Variants in TSTD2 observed in about 807,000 individuals in gnomAD.
TSTD2 encodes the protein thiosulfate sulfurtransferase/rhodanese-like domain-containing protein 2.
Under a neutral mutation model 47.9 loss-of-function variants are expected in TSTD2, and 37 were observed. The observed-to-expected ratio is 0.77, with a 90% confidence interval of 0.59 to 1.02. The LOEUF (loss-of-function observed/expected upper bound fraction) is 1.02, where lower values mean the gene tolerates loss of function less well. Among genes scored for constraint, TSTD2 ranks in the 50% least tolerant of loss-of-function variants. The pLI, the probability that TSTD2 is intolerant of heterozygous loss-of-function variation, is 0.00. For synonymous variants in TSTD2, 201 were observed against 215.9 expected (o/e 0.93, Z 0.61); for missense variants, 586 against 616.0 (o/e 0.95, Z 0.52).
chr9:97,609,150 T>C (rs1377649738), intron 6 of TSTD2, among the ~76,000 whole-genome samples: 1 of 152,118 alleles, frequency 6.6e-6, no homozygotes, highest in Non-Finnish European at 1.5e-5. Flanking sequence ...CTAATAATTT[T>C]TTATATTGAT....
intron 3 of TSTD2, 121 bp downstream of exon 3, chr9:97,625,560 A>T (rs1826705032): frequency 1.1e-6 from 1 of 943,826 alleles, no homozygotes; most frequent in Non-Finnish European, 1.6e-6. Context: ...CCACATCCTC[A>T]TTTCACATTT....
rs1384281650 is a variant in TSTD2 at position 97,628,705 on chromosome 9, C to T, written c.-50-1093G>A. Among the ~76,000 whole-genome samples the T allele has an allele frequency of 2.6e-5, 4 of 152,306 alleles. No homozygotes were observed. In the South Asian group the frequency reaches 6.2e-4, roughly 24 times the overall value. On this transcript the variant is annotated intron_variant, in intron 1 of 9. Coordinates refer to ENST00000341170, the MANE Select transcript of TSTD2 (RefSeq NM_139246.5). ...TTGTTAACTACTCCCAAAAATAAAGCGTGATGGAAGCAATGCTGTATGACT... is the reference window on the plus strand; with the variant it reads ...TTGTTAACTACTCCCAAAAATAAAGTGTGATGGAAGCAATGCTGTATGACT...
Position 97,625,832 on chromosome 9 carries a change from T to C in TSTD2, c.331A>G (p.Ile111Val), listed in dbSNP as rs544672916. 3.1e-6 allele frequency: 5 copies of C among 1,614,174 alleles called. No homozygotes were observed. In the East Asian group the frequency reaches 8.9e-5, roughly 29 times the overall value. ...ADEIYHQTAS[I>V]LKQLAVTLST... The stretch of plus-strand genomic sequence containing the variant: ...AATGTCACAGCCAGTTGCTTTAAAA[T>C]AGAAGCTGTCTGGTGATAAATTTCA... Residue 111 changes from isoleucine (I) to valine (V), a missense_variant, in exon 3 of 10, where the codon ATT becomes GTT. Coordinates refer to ENST00000341170, the MANE Select transcript of TSTD2 (RefSeq NM_139246.5).
chr9:97,606,717 T>C (rs1007395552), intron 6 of TSTD2, among the ~76,000 whole-genome samples: 1 of 152,194 alleles, frequency 6.6e-6, no homozygotes, highest in African/African-American at 2.4e-5. Flanking sequence ...TAAACTGTTC[T>C]ATATTAAGGT....
At position 97,604,910 on chromosome 9, in the gene TSTD2, C is replaced by A. The variant is rs1379919002; in HGVS notation, c.1114-45G>T. 6 of 1,607,390 alleles carry A rather than the reference C, an allele frequency of 3.7e-6. No individual in the cohort carries two copies. In the East Asian group the frequency reaches 1.1e-4, roughly 30 times the overall value. On this transcript the variant is annotated intron_variant, in intron 8 of 9. Transcript: ENST00000341170. ...AGGAAATCTGAAGAGCCAGCAGAGA[C>A]CTGTTAAGATGCTCACGGAAGAACG...
In TSTD2 at chr9:97,601,151, G is replaced by A; in HGVS notation, c.*1318C>T. 2.3e-6 allele frequency: 3 copies of A among 1,303,412 alleles called. No individual in the cohort carries two copies. Among genetic ancestry groups the A allele is most frequent in the Non-Finnish European group, 2.0e-6 (2 of 988,610 alleles). The allele number at this position is 1,303,412 out of a possible 1,614,324, so 80.7% of individuals were successfully genotyped here. A position where few individuals can be genotyped will look rare whatever the true frequency, so the allele number is the denominator to read the frequency against. On this transcript the variant is annotated 3_prime_UTR_variant, in exon 10 of 10. Transcript: ENST00000341170. The stretch of plus-strand genomic sequence containing the variant: ...CATGGCCCAGGAGTGGCACCATGTT[G>A]CAGGGACAACCATCCCCATTTGGCT...
In TSTD2 at chr9:97,602,303, C is replaced by T. The variant is rs1826274649; in HGVS notation, c.*166G>A. ...AATGTCTCAGGTAAGTGGTAGACAA[C>T]GTGACTCCTCCCCTCCCGCTGTGAA... On this transcript the variant is annotated 3_prime_UTR_variant, in exon 10 of 10. Transcript: ENST00000341170. 6.6e-6 allele frequency: 5 copies of T among 760,656 alleles called. No homozygotes were observed. The highest frequency in any genetic ancestry group is 6.0e-5 in the South Asian group (3 of 50,282). 47.1% of individuals were successfully genotyped at this position (760,656 alleles called of 1,614,324 possible).
At position 97,627,581 on chromosome 9, in the gene TSTD2, T is replaced by G; in HGVS notation, c.-19A>C. ...AAGGCATCTGGTTTGGTTGCAACAG[T>G]GAAGCAGATATTCCTTTCAGTTAAA... On this transcript the variant is annotated 5_prime_UTR_variant, in exon 2 of 10. Transcript: ENST00000341170. 2 of 1,576,704 alleles carry G rather than the reference T, an allele frequency of 1.3e-6. No individual in the cohort carries two copies. The highest frequency in any genetic ancestry group is 1.7e-6 in the Non-Finnish European group (2 of 1,157,352).
At chr9:97,602,820 G>A (rs746173105) in intron 9 of TSTD2, 53 bp from the exon 10 acceptor site, 6 of 1,521,512 alleles carry the variant, frequency 3.9e-6, no homozygotes, top group Non-Finnish European at 5.3e-6. Flanking sequence ...ACACACACGT[G>A]GACAGGCATT....
In TSTD2 at chr9:97,600,134, A is replaced by T; in HGVS notation, c.*2335T>A. On this transcript the variant is annotated 3_prime_UTR_variant, in exon 10 of 10. Transcript: ENST00000341170. ...TACAAATTTGTCTTAGCTATTAGCA[A>T]ATAAAACTGATTATCATTCTTTATT... is the stretch of plus-strand genomic sequence containing the variant. The T allele has an allele frequency of 1.0e-6, 1 of 1,003,304 alleles. No individual in the cohort carries two copies. Among genetic ancestry groups the T allele is most frequent in the Non-Finnish European group, 1.2e-6 (1 of 838,788 alleles). 62.2% of individuals were successfully genotyped at this position (1,003,304 alleles called of 1,614,324 possible). A position where few individuals can be genotyped will look rare whatever the true frequency, so the allele number is the denominator to read the frequency against.
At chr9:97,617,971 C>G (rs2149982) in intron 3 of TSTD2, 94 bp from the exon 4 acceptor site, 1 of 1,490,022 alleles carries the variant, frequency 6.7e-7, no homozygotes, top group Non-Finnish European at 9.0e-7. Context: ...TGAGGGAAGG[C>G]TAAGATGAGG....
Position 97,600,628 on chromosome 9 carries a change from A to C in TSTD2, c.*1841T>G. The C allele has an allele frequency of 1.0e-6, 1 of 987,764 alleles. No individual in the cohort carries two copies. The highest frequency in any genetic ancestry group is 1.2e-6 in the Non-Finnish European group (1 of 831,532). 61.2% of individuals were successfully genotyped at this position (987,764 alleles called of 1,614,324 possible). A position where few individuals can be genotyped will look rare whatever the true frequency, so the allele number is the denominator to read the frequency against. ...TATTTAGTAATGGCCCAGCTTAGAGACTTCAGCTACTGATCTCATCACTTA... is the reference window on the plus strand; with the variant it reads ...TATTTAGTAATGGCCCAGCTTAGAGCCTTCAGCTACTGATCTCATCACTTA... On this transcript the variant is annotated 3_prime_UTR_variant, in exon 10 of 10. Transcript: ENST00000341170.
chr9:97,632,785 G>A (rs979689088), intron 1 of TSTD2, among the ~76,000 whole-genome samples: 1 of 152,224 alleles, frequency 6.6e-6, no homozygotes, highest in Non-Finnish European at 1.5e-5. Context: ...TATGTAAAAA[G>A]AGGGAAAAGA....
chr9:97,604,502 G>T, intron 9 of TSTD2: 1 of 547,796 alleles, frequency 1.8e-6, no homozygotes, highest in Admixed American at 3.6e-5. Context: ...GGCTTGTCCA[G>T]CTAGCAATGG....
In TSTD2 at chr9:97,600,275, G is replaced by A; in HGVS notation, c.*2194C>T. ...AGACTGAAGCCACTGAACTCTGCCA[G>A]GAGTCAACATGAGATTCCTTTTGCT... On this transcript the variant is annotated 3_prime_UTR_variant, in exon 10 of 10. Coordinates refer to ENST00000341170, the MANE Select transcript of TSTD2 (RefSeq NM_139246.5). 8 of 986,382 alleles carry A rather than the reference G, an allele frequency of 8.1e-6. No individual in the cohort carries two copies. Among genetic ancestry groups the A allele is most frequent in the Non-Finnish European group, 9.6e-6 (8 of 830,358 alleles). The allele number at this position is 986,382 out of a possible 1,614,324, so 61.1% of individuals were successfully genotyped here. A position where few individuals can be genotyped will look rare whatever the true frequency, so the allele number is the denominator to read the frequency against.
chr9:97,610,452 C>G lies in TSTD2; in HGVS notation c.730-1G>C. On this transcript the variant is annotated splice_acceptor_variant, in intron 5 of 9. Coordinates refer to ENST00000341170, the MANE Select transcript of TSTD2 (RefSeq NM_139246.5). LOFTEE classifies it high-confidence loss of function. ...AACAGTGAGCTCCTCCTTTGCTGGT[C>G]TAGCCAATGAGAAACAAAACAGAAT... The G allele has an allele frequency of 1.3e-6, 2 of 1,556,028 alleles. No individual in the cohort carries two copies. Among genetic ancestry groups the G allele is most frequent in the Non-Finnish European group, 8.7e-7 (1 of 1,154,386 alleles).
chr9:97,604,589 G>C, intron 9 of TSTD2, 138 bp downstream of exon 9: 1 of 1,285,064 alleles, frequency 7.8e-7, no homozygotes, highest in Non-Finnish European at 1.1e-6. Context: ...GAAAATGGTG[G>C]CACAATGTAC....
At chr9:97,604,968 C>T (rs1316140280) in intron 8 of TSTD2, 103 bp from the exon 9 acceptor site, 2 of 1,505,000 alleles carry the variant, frequency 1.3e-6, no homozygotes, top group African/African-American at 1.4e-5. Context: ...GTAGAGGACT[C>T]ATGGCCGCTG....
chr9:97,611,507 C>CT, intron 5 of TSTD2, 67 bp downstream of exon 5: 1 of 1,504,382 alleles, frequency 6.6e-7, no homozygotes, highest in South Asian at 1.3e-5. Context: ...TTGAACTCCT[C>CT]TTCAATAACA....
Sources: gnomAD v4.1 joint callset for allele counts (sites outside exome capture counted in the v4.1 genomes callset) on GRCh38, gnomAD v4.1.1 for gene constraint, MANE v1.5 for transcripts, NCBI Gene and HGNC (gene_info 2026-07-23, HGNC 2026-07-21) for gene names.